ZFPL1: variants seen among roughly 807,000 people sequenced by gnomAD.
ZFPL1 encodes the protein zinc finger protein-like 1.
ZFPL1 carries 28 observed loss-of-function variants against 32.0 expected under a neutral mutation model. The observed-to-expected ratio is 0.87, with a 90% CI of 0.65 to 1.20. The LOEUF is 1.20. Ranked by LOEUF, ZFPL1 falls within the 50% of genes most tolerant of loss-of-function variation. ZFPL1 has a pLI of 0.00. For synonymous variants in ZFPL1, 165 were observed against 177.0 expected (o/e 0.93, Z 0.54); for missense variants, 386 against 424.8 (o/e 0.91, Z 0.80).
chr11:65,084,733 C>G lies in ZFPL1; in HGVS notation c.35C>G (p.Thr12Ser). 6.2e-7 allele frequency: 1 copy of G among 1,614,132 alleles called. No individual in the cohort carries two copies. The highest frequency in any genetic ancestry group is 2.2e-5 in the East Asian group (1 of 44,876). ...GLCKCPKRKV[T>S]NLFCFEHRVN... is the part of the protein sequence containing the mutation. ...TGTAAGTGCCCCAAGAGAAAGGTGACCAACCTGTTCTGCTTCGAACATCGG... is the reference window on the plus strand; with the variant it reads ...TGTAAGTGCCCCAAGAGAAAGGTGAGCAACCTGTTCTGCTTCGAACATCGG... Residue 12 changes from threonine (T) to serine (S), a missense_variant, in exon 2 of 8, where the codon ACC becomes AGC. Coordinates refer to ENST00000294258, the MANE Select transcript of ZFPL1 (RefSeq NM_006782.4).
intron 3 of ZFPL1, 109 bp from the exon 4 acceptor site, chr11:65,086,306 A>G (rs1947678621): frequency 1.5e-6 from 2 of 1,376,294 alleles, no homozygotes; most frequent in Non-Finnish European, 2.0e-6. Context: ...GCTCTGGCAC[A>G]CACACATGTG....
intron 6 of ZFPL1, 71 bp downstream of exon 6, chr11:65,087,145 G>A (rs1565299625): frequency 6.4e-7 from 1 of 1,572,332 alleles, no homozygotes; most frequent in African/African-American, 1.4e-5. Context: ...GGGGGAGCTT[G>A]AGGATCCAGA....
In ZFPL1 at chr11:65,088,334, C is replaced by T. The variant is rs1803077582; in HGVS notation, c.*220C>T. The T allele has an allele frequency of 8.3e-7, 1 of 1,205,694 alleles. No homozygotes were observed. Among genetic ancestry groups the T allele is most frequent in the Non-Finnish European group, 1.2e-6 (1 of 848,890 alleles). The allele number at this position is 1,205,694 out of a possible 1,614,324, so 74.7% of individuals were successfully genotyped here. On this transcript the variant is annotated 3_prime_UTR_variant, in exon 8 of 8. Transcript: ENST00000294258. Reference sequence around the variant, plus strand: ...TTGACTTGCTTTCCTCCCGGGTCTCCAGCCTCCGACCCCTCGCCCCATGAA... The same window carrying T: ...TTGACTTGCTTTCCTCCCGGGTCTCTAGCCTCCGACCCCTCGCCCCATGAA...
At chr11:65,086,638 A>G (rs534650138) in intron 4 of ZFPL1, 30 bp downstream of exon 4, 13 of 1,613,694 alleles carry the variant, frequency 8.1e-6, no homozygotes, top group Admixed American at 1.7e-5. Context: ...CTGACCATCT[A>G]TCTGCCCTGG....
chr11:65,088,160 G>T lies in ZFPL1; in HGVS notation c.*46G>T, dbSNP rs1947698495. ...GCCAGCCTAGGATGTGGGTTCTGTG[G>T]AGGAGAGGCGGGGTAATGGGGAGGC... is the stretch of plus-strand genomic sequence containing the variant. On this transcript the variant is annotated 3_prime_UTR_variant, in exon 8 of 8. Coordinates refer to ENST00000294258, the MANE Select transcript of ZFPL1 (RefSeq NM_006782.4). 1 of 1,577,074 alleles carries T rather than the reference G, an allele frequency of 6.3e-7. No individual in the cohort carries two copies. The highest frequency in any genetic ancestry group is 8.5e-7 in the Non-Finnish European group (1 of 1,169,710).
At position 65,086,355 on chromosome 11, in the gene ZFPL1, C is replaced by T. The variant is rs1364016681; in HGVS notation, c.215-60C>T. 3 of 1,604,014 alleles carry T rather than the reference C, an allele frequency of 1.9e-6. No homozygotes were observed. The East Asian group carries it at 6.7e-5, about 36-fold the overall frequency. On this transcript the variant is annotated intron_variant, in intron 3 of 7. Transcript: ENST00000294258. ...CAATGGTCTGGGGACTATTGCTAGGCTAGGAGCCCTAAGTGTCTTCTTCCT... is the reference window on the plus strand; with the variant it reads ...CAATGGTCTGGGGACTATTGCTAGGTTAGGAGCCCTAAGTGTCTTCTTCCT...
Position 65,086,592 on chromosome 11 carries a change from G to A in ZFPL1, c.392G>A (p.Gly131Glu). The A allele has an allele frequency of 6.2e-7, 1 of 1,614,032 alleles. No homozygotes were observed. Among genetic ancestry groups the A allele is most frequent in the Non-Finnish European group, 8.5e-7 (1 of 1,179,940 alleles). ...GCCACAGTCAACTGGGCCCGGGCAG[G>A]ACTGGGCCTCCCTCTGGTGAGAGTC... ...KLATVNWARA[G>E]LGLPLIDEVV... is the part of the protein sequence containing the mutation. The change falls in exon 4 of 8, where the codon GGA becomes GAA. Residue 131 changes from glycine (G) to glutamate (E), a missense_variant. Physicochemically the swap from Gly to Glu is moderately conservative, Grantham distance 98. Transcript: ENST00000294258.
Position 65,086,444 on chromosome 11 carries a change from C to A in ZFPL1, c.244C>A (p.Arg82Ser). ...DLFHWACLNE[R>S]AAQLPRNTAP... The stretch of plus-strand genomic sequence containing the variant: ...CTTTCACTGGGCCTGCCTCAATGAA[C>A]GTGCTGCCCAGCTACCCCGAAACAC... Residue 82 changes from arginine to serine, a missense_variant, in exon 4 of 8, where the codon CGT becomes AGT. By Grantham distance (110) the Arg-to-Ser change is moderately radical. Coordinates refer to ENST00000294258, the MANE Select transcript of ZFPL1 (RefSeq NM_006782.4). 2 of 1,614,104 alleles carry A rather than the reference C, an allele frequency of 1.2e-6. No individual in the cohort carries two copies. The highest frequency in any genetic ancestry group is 1.7e-6 in the Non-Finnish European group (2 of 1,180,022).
rs1020997437 is a variant in ZFPL1, at chr11:65,087,345, G to A, written c.658G>A (p.Asp220Asn). 6.2e-7 allele frequency: 1 copy of A among 1,614,142 alleles called. No individual in the cohort carries two copies. The highest frequency in any genetic ancestry group is 8.5e-7 in the Non-Finnish European group (1 of 1,180,020). The change falls in exon 7 of 8, where the codon GAT (aspartate) becomes AAT (asparagine). Residue 220 changes from aspartate to asparagine, a missense_variant. By Grantham distance (23) the Asp-to-Asn change is conservative (BLOSUM62 1). Coordinates refer to ENST00000294258, the MANE Select transcript of ZFPL1 (RefSeq NM_006782.4). ...APRKVYDTRD[D>N]DRTPGLHGDC... ...TAGGAAGGTGTATGATACGCGGGATGATGACCGGACACCAGGCCTCCATGG... is the reference window on the plus strand; with the variant it reads ...TAGGAAGGTGTATGATACGCGGGATAATGACCGGACACCAGGCCTCCATGG...
Position 65,085,204 on chromosome 11 carries a change from G to A in ZFPL1, c.192G>A (p.Glu64=). 1 of 1,614,110 alleles carries A rather than the reference G, an allele frequency of 6.2e-7. No homozygotes were observed. The highest frequency in any genetic ancestry group is 8.5e-7 in the Non-Finnish European group (1 of 1,180,032). The change falls in exon 3 of 8, where the codon GAG becomes GAA. Residue 64 remains glutamate (E), a synonymous_variant. Coordinates refer to ENST00000294258, the MANE Select transcript of ZFPL1 (RefSeq NM_006782.4). The part of the protein sequence containing the change: ...RLCNIPLASR[E]TTRLVCYDLF... ...GCAACATACCCCTGGCCAGCCGAGA[G>A]ACGACCCGCCTTGTCTGCTATGGTG...
At chr11:65,085,332 C>A in intron 3 of ZFPL1, 106 bp downstream of exon 3, 1 of 971,802 alleles carries the variant, frequency 1.0e-6, no homozygotes. Flanking sequence ...CCCCGAGTCT[C>A]AGAGCCCAGA....
chr11:65,087,625 C>T, intron 7 of ZFPL1, 192 bp downstream of exon 7: 1 of 630,894 alleles, frequency 1.6e-6, no homozygotes, highest in Non-Finnish European at 2.8e-6. Context: ...GGGACTGTCT[C>T]TATGCCTCCT....
At position 65,088,143 on chromosome 11, in the gene ZFPL1, A is replaced by C. The variant is rs555046288; in HGVS notation, c.*29A>C. 1.2e-5 allele frequency: 19 copies of C among 1,591,202 alleles called. No homozygotes were observed. In the African/African-American group the frequency reaches 2.6e-4, roughly 21 times the overall value. On this transcript the variant is annotated 3_prime_UTR_variant, in exon 8 of 8. Transcript: ENST00000294258. ...CCCTTGCTTGTGGCTAGGCCAGCCT[A>C]GGATGTGGGTTCTGTGGAGGAGAGG...
In ZFPL1 at chr11:65,084,283, CCTG is replaced by C. The variant is rs1947646706; in HGVS notation, c.-103_-101del. 3 of 552,182 alleles carry C rather than the reference CCTG, an allele frequency of 5.4e-6. No homozygotes were observed. Among genetic ancestry groups the C allele is most frequent in the Non-Finnish European group, 9.6e-6 (3 of 311,468 alleles). 34.2% of individuals were successfully genotyped at this position (552,182 alleles called of 1,614,324 possible). A position where few individuals can be genotyped will look rare whatever the true frequency, so the allele number is the denominator to read the frequency against. On this transcript the variant is annotated 5_prime_UTR_variant, in exon 1 of 8. Coordinates refer to ENST00000294258, the MANE Select transcript of ZFPL1 (RefSeq NM_006782.4). ...GGGCTGAAGGGAGAGGCGCAGGAGC[CCTG>C]GGGAGAGTGGTCCCTGCCCTTCCGC...
At chr11:65,087,515 A>T in intron 7 of ZFPL1, 82 bp downstream of exon 7, 1 of 1,358,916 alleles carries the variant, frequency 7.4e-7, no homozygotes, top group South Asian at 1.2e-5. Flanking sequence ...GGATGGTTTC[A>T]TGACAAAAGG....
intron 6 of ZFPL1, 98 bp downstream of exon 6, chr11:65,087,172 C>G (rs1947688385): frequency 2.6e-6 from 4 of 1,562,224 alleles, no homozygotes; most frequent in South Asian, 1.2e-5. Flanking sequence ...CCCGGAGGAA[C>G]CTTTCCTTAA....
intron 3 of ZFPL1, chr11:65,086,030 T>G: frequency 3.5e-6 from 1 of 284,500 alleles, no homozygotes. Flanking sequence ...TGTACATTTG[T>G]GCCCAGGGAT....
chr11:65,087,346 A>C lies in ZFPL1; in HGVS notation c.659A>C (p.Asp220Ala). 1.9e-6 allele frequency: 3 copies of C among 1,614,116 alleles called. No homozygotes were observed. Among genetic ancestry groups the C allele is most frequent in the Non-Finnish European group, 2.5e-6 (3 of 1,180,002 alleles). Residue 220 changes from aspartate (D) to alanine (A), a missense_variant, in exon 7 of 8, where the codon GAT (aspartate) becomes GCT (alanine). Transcript: ENST00000294258. ...AGGAAGGTGTATGATACGCGGGATGATGACCGGACACCAGGCCTCCATGGA... is the reference window on the plus strand; with the variant it reads ...AGGAAGGTGTATGATACGCGGGATGCTGACCGGACACCAGGCCTCCATGGA... ...APRKVYDTRD[D>A]DRTPGLHGDC...
At chr11:65,086,154 G>T in intron 3 of ZFPL1, 1 of 568,096 alleles carries the variant, frequency 1.8e-6, no homozygotes, top group Non-Finnish European at 3.2e-6. Flanking sequence ...AGGACTCATT[G>T]AAAGGACTGA....
Sources: allele counts gnomAD v4.1 joint callset, GRCh38; gene constraint gnomAD v4.1.1; transcripts MANE v1.5; gene names NCBI Gene and HGNC (gene_info 2026-07-23, HGNC 2026-07-21).